Variants in MYPN observed in about 807,000 individuals in gnomAD.
MYPN encodes myopalladin.
A neutral mutation model predicts 129.4 loss-of-function variants in MYPN; 63 were observed. That is an observed-to-expected ratio of 0.49 (90% CI 0.40 to 0.60). The LOEUF (loss-of-function observed/expected upper bound fraction) is 0.60. Among genes scored for constraint, MYPN ranks in the 20% least tolerant of loss-of-function variants. The pLI is 0.00. For synonymous variants in MYPN, 629 were observed against 600.9 expected, an observed-to-expected ratio of 1.05 and a Z score of -0.68; for missense variants, 1,596 against 1,635.4, an observed-to-expected ratio of 0.98 and a Z score of 0.42.
At position 68,161,792 on chromosome 10, in the gene MYPN, G is replaced by A. The variant is rs754540688; in HGVS notation, c.1483+40G>A. Reference sequence around the variant, plus strand: ...AACTTTAATTTATTAGTATATGAGTGATTTTATATATACAAGAATACATAA... The same window carrying A: ...AACTTTAATTTATTAGTATATGAGTAATTTTATATATACAAGAATACATAA... On this transcript the variant is annotated intron_variant, in intron 8 of 19. Coordinates refer to ENST00000358913, the MANE Select transcript of MYPN (RefSeq NM_032578.4). 7 of 1,432,034 alleles carry A rather than the reference G, an allele frequency of 4.9e-6. No individual in the cohort carries two copies. In the South Asian group the frequency reaches 8.2e-5, roughly 17 times the overall value. 88.7% of individuals were successfully genotyped at this position (1,432,034 alleles called of 1,614,324 possible).
chr10:68,174,582 C>A lies in MYPN; in HGVS notation c.2490C>A (p.Leu830=), dbSNP rs960540022. ...GGATTCAGAACCCAGTGGCTTTCCT[C>A]AGCTCTGTTCTGCCTTCTCTCCCTG... ...TSRIQNPVAF[L]SSVLPSLPAI... Residue 830 remains leucine, a synonymous_variant, in exon 11 of 20, where the codon CTC becomes CTA. Transcript: ENST00000358913. 5 of 1,614,214 alleles carry A rather than the reference C, an allele frequency of 3.1e-6. No individual in the cohort carries two copies. Among genetic ancestry groups the A allele is most frequent in the Non-Finnish European group, 4.2e-6 (5 of 1,180,032 alleles).
intron 12 of MYPN, among the ~76,000 whole-genome samples, chr10:68,187,586 G>A (rs951888704): frequency 2.6e-5 from 4 of 152,158 alleles, no homozygotes; most frequent in African/African-American, 9.7e-5. Flanking sequence ...CAGAAATCAA[G>A]CATGTGCTGT....
At chr10:68,136,766 T>C in intron 2 of MYPN, 5 of 1,514,260 alleles carry the variant, frequency 3.3e-6, no homozygotes, top group Non-Finnish European at 4.4e-6. Flanking sequence ...ATAATTTAGA[T>C]AATCCTATAA....
chr10:68,140,789 T>A (rs1452476909), intron 2 of MYPN, among the ~76,000 whole-genome samples: 1 of 152,176 alleles, frequency 6.6e-6, no homozygotes, highest in Non-Finnish European at 1.5e-5. Flanking sequence ...TCTTGCCTTA[T>A]AGGATGTGTG....
intron 2 of MYPN, among the ~76,000 whole-genome samples, chr10:68,140,852 C>T (rs566762100): frequency 3.9e-5 from 6 of 152,238 alleles, no homozygotes; most frequent in African/African-American, 7.2e-5. Context: ...GCGGATGAAT[C>T]GCTTGAGCCC....
At chr10:68,089,563 T>C (rs1350160929) in intron 1 of MYPN, among the ~76,000 whole-genome samples, 1 of 152,102 alleles carries the variant, frequency 6.6e-6, no homozygotes, top group Non-Finnish European at 1.5e-5. Context: ...GCCAGGCTGG[T>C]CTCGATCTCC....
chr10:68,167,922 G>A (rs1180094579), intron 10 of MYPN, among the ~76,000 whole-genome samples: 1 of 152,170 alleles, frequency 6.6e-6, no homozygotes, highest in Non-Finnish European at 1.5e-5. Flanking sequence ...AAATCCTGCA[G>A]GAGAAGAACT....
At chr10:68,151,173 G>T (rs896398180) in intron 6 of MYPN, among the ~76,000 whole-genome samples, 3 of 152,178 alleles carry the variant, frequency 2.0e-5, no homozygotes, top group Non-Finnish European at 4.4e-5. Context: ...TATTTTTCTA[G>T]TGAGTACTGA....
chr10:68,125,896 C>T (rs574856592), intron 2 of MYPN, among the ~76,000 whole-genome samples: 51 of 152,286 alleles, frequency 3.3e-4, no homozygotes, highest in African/African-American at 1.2e-3. Flanking sequence ...GAGAGGGTGG[C>T]TCACAATCTA....
At chr10:68,105,340 T>C (rs1264596636), upstream of MYPN, among the ~76,000 whole-genome samples, 6 of 152,220 alleles carry the variant, frequency 3.9e-5, no homozygotes, top group Admixed American at 2.0e-4. Flanking sequence ...ACAAAGAGCC[T>C]AGCATAGTGC....
intron 12 of MYPN, 127 bp from the exon 13 acceptor site, chr10:68,188,778 C>G: frequency 3.8e-6 from 3 of 795,844 alleles, no homozygotes; most frequent in African/African-American, 1.7e-5. Flanking sequence ...TGGAACATAC[C>G]TGGTTCATTT....
At chr10:68,113,272 C>G (rs2042105782) in intron 1 of MYPN, among the ~76,000 whole-genome samples, 1 of 152,160 alleles carries the variant, frequency 6.6e-6, no homozygotes, top group African/African-American at 2.4e-5. Flanking sequence ...TCCTGGCTCT[C>G]TTTACAAATA....
In MYPN at chr10:68,150,045, G is replaced by A. The variant is rs10997948; in HGVS notation, c.1251G>A (p.Gln417=). 134,438 of 1,611,476 alleles carry A rather than the reference G, an allele frequency of 0.083. 6,240 individuals are homozygous for A. Among genetic ancestry groups the A allele is most frequent in the African/African-American group, 0.16 (11,632 of 74,856 alleles). ...QPRVATIQQC[Q]SPTNYLQGLD... is the part of the protein sequence containing the mutation. Reference sequence around the variant, plus strand: ...TGTTGCTTCCCTTCTACCAGTGTCAGAGCCCCACCAATTACTTGCAGGGAT... The same window carrying A: ...TGTTGCTTCCCTTCTACCAGTGTCAAAGCCCCACCAATTACTTGCAGGGAT... Residue 417 remains glutamine (Q), a synonymous_variant, in exon 6 of 20, where the codon CAG becomes CAA. Coordinates refer to ENST00000358913, the MANE Select transcript of MYPN (RefSeq NM_032578.4).
chr10:68,158,403 T>A (rs555836005), intron 6 of MYPN, 83 bp from the exon 7 acceptor site: 26 of 1,359,362 alleles, frequency 1.9e-5, no homozygotes, highest in African/African-American at 1.9e-4. Context: ...GGAGACGGCA[T>A]CTTTTTCTAA....
At position 68,210,166 on chromosome 10, in the gene MYPN, G is replaced by A. The variant is rs1192916133; in HGVS notation, c.3794-120G>A. 8 of 1,142,468 alleles carry A rather than the reference G, an allele frequency of 7.0e-6. No individual in the cohort carries two copies. In the African/African-American group the frequency reaches 1.1e-4, roughly 15 times the overall value. The allele number at this position is 1,142,468 out of a possible 1,614,324, so 70.8% of individuals were successfully genotyped here. On this transcript the variant is annotated intron_variant, in intron 19 of 19. Coordinates refer to ENST00000358913, the MANE Select transcript of MYPN (RefSeq NM_032578.4). ...ACGAGGCAATTCAGACCCAGGTATA[G>A]TTATATGCTTTACCAAGAATGCTCA...
rs1489361531 is a variant in MYPN, at chr10:68,202,104, C to T, written c.3659+110C>T. 8 of 1,291,568 alleles carry T rather than the reference C, an allele frequency of 6.2e-6. No individual in the cohort carries two copies. The East Asian group carries it at 1.6e-4, about 26-fold the overall frequency. 80.0% of individuals were successfully genotyped at this position (1,291,568 alleles called of 1,614,324 possible). On this transcript the variant is annotated intron_variant, in intron 18 of 19. Transcript: ENST00000358913. ...CTGGCTTACTTCATTTAGAATAATGCATTTGCGTTTCATTGATATTATTGT... is the reference window on the plus strand; with the variant it reads ...CTGGCTTACTTCATTTAGAATAATGTATTTGCGTTTCATTGATATTATTGT...
Position 68,150,050 on chromosome 10 carries a change from C to T in MYPN, c.1256C>T (p.Pro419Leu). The T allele has an allele frequency of 6.2e-7, 1 of 1,613,718 alleles. No individual in the cohort carries two copies. The highest frequency in any genetic ancestry group is 1.1e-5 in the South Asian group (1 of 91,072). Reference sequence around the variant, plus strand: ...CTTCCCTTCTACCAGTGTCAGAGCCCCACCAATTACTTGCAGGGATTGGAT... The same window carrying T: ...CTTCCCTTCTACCAGTGTCAGAGCCTCACCAATTACTTGCAGGGATTGGAT... ...RVATIQQCQS[P>L]TNYLQGLDGK... is the part of the protein sequence containing the mutation. The change falls in exon 6 of 20, where the codon CCC (proline) becomes CTC (leucine). Residue 419 changes from proline to leucine, a missense_variant. Pro to Leu is a moderately conservative substitution (Grantham distance 98, BLOSUM62 -3). Coordinates refer to ENST00000358913, the MANE Select transcript of MYPN (RefSeq NM_032578.4).
intron 2 of MYPN, among the ~76,000 whole-genome samples, chr10:68,125,351 G>A (rs1326507586): frequency 2.6e-5 from 4 of 152,158 alleles, no homozygotes; most frequent in African/African-American, 7.2e-5. Context: ...TGGATGCTAG[G>A]AAATTAGTAG....
intron 6 of MYPN, among the ~76,000 whole-genome samples, 154 bp downstream of exon 6, chr10:68,150,265 G>A (rs914343164): frequency 6.6e-6 from 1 of 152,028 alleles, no homozygotes; most frequent in African/African-American, 2.4e-5. Context: ...CTACAGTATC[G>A]CTTCAAGTCC....
Sources: allele counts gnomAD v4.1 joint callset (sites outside exome capture counted in the v4.1 genomes callset), GRCh38; gene constraint gnomAD v4.1.1; transcripts MANE v1.5; gene names NCBI Gene and HGNC (gene_info 2026-07-23, HGNC 2026-07-21).